The following SERPINB12 variants were observed in gnomAD, a reference collection of about 807,000 sequenced individuals.
The protein encoded by SERPINB12 is serpin family B member 12.
In SERPINB12, 57 loss-of-function variants were observed where a neutral mutation model predicts 41.1. That is an observed-to-expected ratio of 1.39 (90% CI 1.12 to 1.73). The LOEUF (loss-of-function observed/expected upper bound fraction) is 1.73. Ranked by LOEUF, SERPINB12 falls within the 40% of genes most tolerant of loss-of-function variation. SERPINB12 has a pLI of 0.00. For missense variants in SERPINB12, 536 were observed against 501.9 expected (o/e 1.07, Z -0.65); for synonymous variants, 180 against 181.3 (o/e 0.99, Z 0.06).
the SERPINB12 span, among the ~76,000 whole-genome samples, chr18:63,520,650 G>T: frequency 6.6e-6 from 1 of 152,148 alleles, no homozygotes; most frequent in East Asian, 1.9e-4. Flanking sequence ...CATAAACCAG[G>T]ACAGTGGTAG....
chr18:63,563,306 A>G (rs1910974923), intron 5 of SERPINB12, among the ~76,000 whole-genome samples: 2 of 152,332 alleles, frequency 1.3e-5, no homozygotes, highest in South Asian at 4.1e-4. Context: ...TTTATATTGT[A>G]GTTCTTTGTT....
rs1261427090 is a variant in SERPINB12, at chr18:63,558,999, CTTCCTTCTTTCT to C, written c.303+517_303+528del. Among the ~76,000 whole-genome samples the C allele has an allele frequency of 6.8e-4, 78 of 114,786 alleles. 4 individuals are homozygous for C. The highest frequency in any genetic ancestry group is 2.4e-3 in the Admixed American group (26 of 10,998). 75.3% of individuals were successfully genotyped at this position (114,786 alleles called of 152,430 possible). The stretch of plus-strand genomic sequence containing the variant: ...ATAGATGATTGTCTTTCTTTCTTTC[CTTCCTTCTTTCT>C]TTCTTTCTTTCTTTCTTTCTTTCTT... On this transcript the variant is annotated intron_variant, in intron 3 of 7. Transcript: ENST00000382768.
intron 5 of SERPINB12, among the ~76,000 whole-genome samples, chr18:63,562,340 G>A (rs1022710048): frequency 3.3e-5 from 5 of 152,230 alleles, no homozygotes; most frequent in African/African-American, 7.2e-5. Flanking sequence ...GAAGGTGTTC[G>A]TGTACAGTGA....
chr18:63,542,150 TCTAACCC>T (rs1218297470), upstream of SERPINB12, among the ~76,000 whole-genome samples: 1 of 152,184 alleles, frequency 6.6e-6, no homozygotes, highest in Middle Eastern at 3.2e-3. Flanking sequence ...TTACTAAGGC[TCTAACCC>T]CTAACCTGTG....
chr18:63,523,350 A>G, the SERPINB12 span, among the ~76,000 whole-genome samples: 1 of 152,218 alleles, frequency 6.6e-6, no homozygotes, highest in Non-Finnish European at 1.5e-5. Context: ...ATGAAGCACA[A>G]GAAATGACAA....
chr18:63,559,873 C>T (rs1317131593), intron 4 of SERPINB12, among the ~76,000 whole-genome samples, 155 bp downstream of exon 4: 1 of 152,186 alleles, frequency 6.6e-6, no homozygotes, highest in Non-Finnish European at 1.5e-5. Flanking sequence ...CTCCCTCTTT[C>T]AGTCCCACAG....
chr18:63,525,379 G>T, the SERPINB12 span, among the ~76,000 whole-genome samples: 1 of 151,998 alleles, frequency 6.6e-6, no homozygotes, highest in East Asian at 1.9e-4. Flanking sequence ...GAAGTGAGCA[G>T]TTTTGAACTC....
chr18:63,559,706 C>A lies in SERPINB12; in HGVS notation c.432C>A (p.Phe144Leu). The change falls in exon 4 of 8, where the codon TTC (phenylalanine) becomes TTA (leucine). Residue 144 changes from phenylalanine to leucine, a missense_variant. Transcript: ENST00000382768. ...IANRLYGEQE[F>L]PICQEYLDGV... ...ACAGGCTTTATGGAGAGCAGGAATT[C>A]CCAATCTGTCAGGTGAGTTGCACAC... 1 of 1,614,050 alleles carries A rather than the reference C, an allele frequency of 6.2e-7. No homozygotes were observed. The highest frequency in any genetic ancestry group is 1.1e-5 in the South Asian group (1 of 91,048).
At chr18:63,550,473 T>G (rs1289621338) in intron 1 of SERPINB12, among the ~76,000 whole-genome samples, 5 of 152,360 alleles carry the variant, frequency 3.3e-5, no homozygotes, top group African/African-American at 1.2e-4. Flanking sequence ...AATGCCATGT[T>G]TAGTAATACA....
chr18:63,524,896 C>T, the SERPINB12 span, among the ~76,000 whole-genome samples: 1 of 151,688 alleles, frequency 6.6e-6, no homozygotes, highest in Non-Finnish European at 1.5e-5. Context: ...ATTACAGGCA[C>T]GTGCCACCAT....
chr18:63,537,468 T>G (rs1468061140), upstream of SERPINB12, among the ~76,000 whole-genome samples: 4 of 152,228 alleles, frequency 2.6e-5, no homozygotes, highest in African/African-American at 9.6e-5. Context: ...CCTAGACTGA[T>G]GACATACCAG....
chr18:63,563,752 C>G (rs1193796964), intron 5 of SERPINB12, among the ~76,000 whole-genome samples: 1 of 152,096 alleles, frequency 6.6e-6, no homozygotes, highest in Non-Finnish European at 1.5e-5. Flanking sequence ...AAAAATTAGC[C>G]AGGCATGGTG....
At chr18:63,559,034 C>CTTTA (rs1343412708) in intron 3 of SERPINB12, among the ~76,000 whole-genome samples, 1 of 72,846 alleles carries the variant, frequency 1.4e-5, no homozygotes, top group South Asian at 4.8e-4. Flanking sequence ...TTCTTTCTTT[C>CTTTA]TTTCTTTCTT....
chr18:63,551,217 C>T (rs897137478), intron 1 of SERPINB12, among the ~76,000 whole-genome samples: 2 of 151,642 alleles, frequency 1.3e-5, no homozygotes, highest in Non-Finnish European at 2.9e-5. Flanking sequence ...TGCAGTGAGC[C>T]AAGATCACGC....
At chr18:63,547,769 A>G (rs1239284896) in intron 1 of SERPINB12, among the ~76,000 whole-genome samples, 10 of 152,064 alleles carry the variant, frequency 6.6e-5, no homozygotes, top group Admixed American at 4.6e-4. Context: ...TTTTTCTTAT[A>G]TAGTAAAAAA....
chr18:63,529,101 AAC>A, the SERPINB12 span, among the ~76,000 whole-genome samples: 1 of 152,170 alleles, frequency 6.6e-6, no homozygotes, highest in East Asian at 1.9e-4. Context: ...CTAAATAACA[AAC>A]AGAGAGGAAA....
rs781187042 is a variant in SERPINB12, at chr18:63,561,101, T to C, written c.461T>C (p.Val154Ala). Residue 154 changes from valine (V) to alanine (A), a missense_variant, in exon 5 of 8, where the codon GTG becomes GCG. By Grantham distance (64) the Val-to-Ala change is moderately conservative (BLOSUM62 0). Transcript: ENST00000382768. ...ATGGAACAGGAATACTTAGATGGTG[T>C]GATTCAATTTTACCACACGACGATT... ...FPICQEYLDG[V>A]IQFYHTTIES... The C allele has an allele frequency of 1.9e-6, 3 of 1,607,806 alleles. No individual in the cohort carries two copies. The highest frequency in any genetic ancestry group is 2.6e-6 in the Non-Finnish European group (3 of 1,174,552).
chr18:63,533,062 C>T, the SERPINB12 span, among the ~76,000 whole-genome samples: 1 of 152,104 alleles, frequency 6.6e-6, no homozygotes, highest in African/African-American at 2.4e-5. Flanking sequence ...CACAGCAACT[C>T]CACCTCCCGG....
At chr18:63,533,526 T>C in the SERPINB12 span, among the ~76,000 whole-genome samples, 6,871 of 152,276 alleles carry the variant, frequency 0.045, 516 homozygotes, top group African/African-American at 0.16. Flanking sequence ...TATCCAACCC[T>C]TTAATTTTGC....
Sources: allele counts gnomAD v4.1 joint callset (sites outside exome capture counted in the v4.1 genomes callset), GRCh38; gene constraint gnomAD v4.1.1; transcripts MANE v1.5; gene names NCBI Gene and HGNC (gene_info 2026-07-23, HGNC 2026-07-21).